TEC: variants seen among roughly 807,000 people sequenced by gnomAD.
TEC encodes tyrosine-protein kinase Tec.
A neutral mutation model predicts 93.0 loss-of-function variants in TEC; 72 were observed. The ratio of observed to expected loss-of-function variants is 0.77; its 90% CI spans 0.64 to 0.94. The LOEUF (loss-of-function observed/expected upper bound fraction) is 0.94. Among genes scored for constraint, TEC ranks in the 40% least tolerant of loss-of-function variants. The probability of loss-of-function intolerance (pLI) is 0.00; values close to 1 mark genes in which losing one functional copy is unlikely to be tolerated. For missense variants in TEC, 630 were observed against 757.9 expected, an observed-to-expected ratio of 0.83 and a Z score of 1.98; for synonymous variants, 249 against 247.7, an observed-to-expected ratio of 1.01 and a Z score of -0.05.
At chr4:48,185,190 T>C (rs920719027) in intron 2 of TEC, among the ~76,000 whole-genome samples, 9 of 152,350 alleles carry the variant, frequency 5.9e-5, no homozygotes, top group Admixed American at 4.6e-4. Flanking sequence ...TCCAGTCAAC[T>C]GTTTAACAGA....
At chr4:48,167,700 T>C in intron 7 of TEC, 78 bp downstream of exon 7, 1 of 1,372,016 alleles carries the variant, frequency 7.3e-7, no homozygotes, top group Non-Finnish European at 1.0e-6. Flanking sequence ...ACACGATAGT[T>C]ACGACTTATC....
At chr4:48,177,345 T>G (rs561284099) in intron 2 of TEC, among the ~76,000 whole-genome samples, 1 of 152,364 alleles carries the variant, frequency 6.6e-6, no homozygotes, top group Non-Finnish European at 1.5e-5. Context: ...TAGGTATTCA[T>G]ATGACAAAGA....
At chr4:48,198,636 G>A (rs993025439) in intron 2 of TEC, among the ~76,000 whole-genome samples, 2 of 152,022 alleles carry the variant, frequency 1.3e-5, no homozygotes, top group Non-Finnish European at 2.9e-5. Context: ...AGGCTCCCAC[G>A]TACATGTAAA....
At chr4:48,145,686 A>T in intron 12 of TEC, 107 bp from the exon 13 acceptor site, 19 of 1,165,736 alleles carry the variant, frequency 1.6e-5, no homozygotes, top group Non-Finnish European at 2.1e-5. Context: ...AAATTACAGG[A>T]TAACACTGTA....
At chr4:48,218,326 T>C (rs1367572321) in intron 2 of TEC, among the ~76,000 whole-genome samples, 3 of 152,078 alleles carry the variant, frequency 2.0e-5, no homozygotes, top group Non-Finnish European at 4.4e-5. Context: ...GTCACTTTTG[T>C]TGTTGTTGTT....
chr4:48,167,949 C>T lies in TEC; in HGVS notation c.500G>A (p.Arg167Lys). The change falls in exon 7 of 18, where the codon AGG becomes AAG. Residue 167 changes from arginine to lysine, a missense_variant. Transcript: ENST00000381501. ...TTCTAGTGGAATTGGTGGGGGAGGCCTTCGCTAGACAAGGAAGATAACATT... is the reference window on the plus strand; with the variant it reads ...TTCTAGTGGAATTGGTGGGGGAGGCTTTCGCTAGACAAGGAAGATAACATT... ...LPPAPETKKR[R>K]PPPPIPLEEE... 2 of 1,613,506 alleles carry T rather than the reference C, an allele frequency of 1.2e-6. No individual in the cohort carries two copies. Among genetic ancestry groups the T allele is most frequent in the Non-Finnish European group, 1.7e-6 (2 of 1,179,734 alleles).
chr4:48,156,999 A>G (rs958358067), intron 8 of TEC, among the ~76,000 whole-genome samples: 25 of 152,226 alleles, frequency 1.6e-4, no homozygotes, highest in African/African-American at 6.0e-4. Context: ...AGGCTATACG[A>G]TAACCTGAAT....
At position 48,179,338 on chromosome 4, in the gene TEC, GTATATATATATATATATATATATA is replaced by G. The variant is rs61241595; in HGVS notation, c.139-3176_139-3153del. 2.1e-3 allele frequency among the ~76,000 whole-genome samples: 107 copies of G among 51,664 alleles called. 1 individual carries two copies. Among genetic ancestry groups the G allele is most frequent in the Admixed American group, 3.3e-3 (9 of 2,742 alleles). 33.9% of individuals were successfully genotyped at this position (51,664 alleles called of 152,430 possible). A position where few individuals can be genotyped will look rare whatever the true frequency, so the allele number is the denominator to read the frequency against. ...CAACTATCATGTAATGACGTGGGTAGTATATATATATATATATATATATATATATATATATATATTTTTTTTTTT... is the reference window on the plus strand; with the variant it reads ...CAACTATCATGTAATGACGTGGGTAGTATATATATATATATTTTTTTTTTT... On this transcript the variant is annotated intron_variant, in intron 2 of 17. Coordinates refer to ENST00000381501, the MANE Select transcript of TEC (RefSeq NM_003215.3).
At chr4:48,177,982 CT>C (rs1371038467) in intron 2 of TEC, among the ~76,000 whole-genome samples, 1 of 152,210 alleles carries the variant, frequency 6.6e-6, no homozygotes, top group African/African-American at 2.4e-5. Context: ...AATTAAACCT[CT>C]TTTCTTTATA....
rs750831764 is a variant in TEC at position 48,139,068 on chromosome 4, G to A, written c.1536-46C>T. On this transcript the variant is annotated intron_variant, in intron 15 of 17. Transcript: ENST00000381501. ...GGTTTACACCTCTGAAGAACAATCTGTTTTTTCTACTTGCTCTTTCATTTT... is the reference window on the plus strand; with the variant it reads ...GGTTTACACCTCTGAAGAACAATCTATTTTTTCTACTTGCTCTTTCATTTT... 8.7e-6 allele frequency: 13 copies of A among 1,486,822 alleles called. No individual in the cohort carries two copies. In the South Asian group the frequency reaches 1.4e-4, roughly 16 times the overall value. 92.1% of individuals were successfully genotyped at this position (1,486,822 alleles called of 1,614,324 possible).
At chr4:48,204,943 A>C (rs1255732204) in intron 2 of TEC, among the ~76,000 whole-genome samples, 1 of 152,114 alleles carries the variant, frequency 6.6e-6, no homozygotes, top group Non-Finnish European at 1.5e-5. Context: ...CAAATCATCA[A>C]ACCTGGCGGT....
Position 48,228,666 on chromosome 4 carries a change from T to C in TEC, c.-45-7A>G, listed in dbSNP as rs1560418324. The C allele has an allele frequency of 1.9e-6, 3 of 1,561,426 alleles. No homozygotes were observed. Among genetic ancestry groups the C allele is most frequent in the Non-Finnish European group, 2.6e-6 (3 of 1,160,516 alleles). On this transcript the variant is annotated splice_polypyrimidine_tract_variant and splice_region_variant and intron_variant, in intron 1 of 17. Coordinates refer to ENST00000381501, the MANE Select transcript of TEC (RefSeq NM_003215.3). Reference sequence around the variant, plus strand: ...CACTGAAGATCCCAGTATTCTACAGTGAAAAAAGAAACAGTTAAAATGTGA... The same window carrying C: ...CACTGAAGATCCCAGTATTCTACAGCGAAAAAAGAAACAGTTAAAATGTGA...
At chr4:48,168,744 T>C (rs1202395252) in intron 5 of TEC, 118 bp from the exon 6 acceptor site, 2 of 968,268 alleles carry the variant, frequency 2.1e-6, no homozygotes, top group Non-Finnish European at 3.2e-6. Context: ...CAGCACACTC[T>C]GACCAACTCT....
chr4:48,165,539 G>A (rs1180082615), intron 7 of TEC, among the ~76,000 whole-genome samples: 1 of 152,048 alleles, frequency 6.6e-6, no homozygotes, highest in Non-Finnish European at 1.5e-5. Context: ...TATGACAGAG[G>A]AACAAGTCTG....
chr4:48,255,870 G>A (rs1724327189), intron 1 of TEC, among the ~76,000 whole-genome samples: 1 of 151,948 alleles, frequency 6.6e-6, no homozygotes, highest in Non-Finnish European at 1.5e-5. Flanking sequence ...ACCATATGAA[G>A]GGTGATCTGT....
intron 3 of TEC, among the ~76,000 whole-genome samples, chr4:48,171,924 A>G (rs1347655358): frequency 6.6e-6 from 1 of 152,186 alleles, no homozygotes; most frequent in Non-Finnish European, 1.5e-5. Context: ...CCTGCCATCA[A>G]GGTACGAGTT....
At chr4:48,243,404 G>A (rs1052737224) in intron 1 of TEC, among the ~76,000 whole-genome samples, 4 of 152,174 alleles carry the variant, frequency 2.6e-5, no homozygotes, top group Non-Finnish European at 5.9e-5. Flanking sequence ...GGATGATGAT[G>A]ATACCAACTC....
chr4:48,147,619 C>CAACA (rs1382830057), intron 11 of TEC, among the ~76,000 whole-genome samples: 2 of 152,158 alleles, frequency 1.3e-5, no homozygotes, highest in African/African-American at 4.8e-5. Context: ...CTTTCTAATA[C>CAACA]AACAGGTGGA....
At chr4:48,204,430 T>G (rs997011599) in intron 2 of TEC, among the ~76,000 whole-genome samples, 2 of 152,242 alleles carry the variant, frequency 1.3e-5, no homozygotes, top group Non-Finnish European at 2.9e-5. Flanking sequence ...AGAGGACTCC[T>G]GTAAGCTCTG....
Sources: allele counts gnomAD v4.1 joint callset (sites outside exome capture counted in the v4.1 genomes callset), GRCh38; gene constraint gnomAD v4.1.1; transcripts MANE v1.5; gene names NCBI Gene and HGNC (gene_info 2026-07-23, HGNC 2026-07-21).